CD38: variants seen among roughly 807,000 people sequenced by gnomAD.
The protein encoded by CD38 is CD38 molecule.
CD38 carries 31 observed loss-of-function variants against 36.3 expected under a neutral mutation model. The observed-to-expected ratio is 0.85, with a 90% CI of 0.64 to 1.15. The LOEUF is 1.15. CD38 is among the 50% of genes most tolerant of loss of function. The pLI, the probability that CD38 is intolerant of heterozygous loss-of-function variation, is 0.00. For synonymous variants in CD38, 131 were observed against 135.2 expected (o/e 0.97, Z 0.22); for missense variants, 380 against 371.9 (o/e 1.02, Z -0.18).
intron 1 of CD38, among the ~76,000 whole-genome samples, chr4:15,799,715 G>T (rs1723177081): frequency 1.3e-5 from 2 of 152,170 alleles, no homozygotes; most frequent in Non-Finnish European, 2.9e-5. Flanking sequence ...TTATTGTATG[G>T]ACATACTGAC....
intron 7 of CD38, among the ~76,000 whole-genome samples, chr4:15,841,198 A>C (rs1472217482): frequency 1.1e-4 from 17 of 152,204 alleles, no homozygotes; most frequent in Admixed American, 1.1e-3. Flanking sequence ...CCAATGGTGT[A>C]GGTAGGTACT....
intron 1 of CD38, 96 bp from the exon 2 acceptor site, chr4:15,816,415 A>C: frequency 9.6e-7 from 1 of 1,041,934 alleles, no homozygotes; most frequent in Non-Finnish European, 1.4e-6. Context: ...GGCATATAAT[A>C]GATGCTTCCT....
intron 1 of CD38, among the ~76,000 whole-genome samples, chr4:15,806,133 C>T (rs3796872): frequency 1.3e-5 from 2 of 152,074 alleles, no homozygotes; most frequent in South Asian, 2.1e-4. Flanking sequence ...GTAGGCTGAC[C>T]GCAGACAAAT....
At position 15,810,729 on chromosome 4, in the gene CD38, G is replaced by A. The variant is rs962343045; in HGVS notation, c.234-5782G>A. On this transcript the variant is annotated intron_variant, in intron 1 of 7. Transcript: ENST00000226279. ...AGTGGAAATATGGTGCACAGATATTGGAAAGAAACCGCTGTTGAACTCTTC... is the reference window on the plus strand; with the variant it reads ...AGTGGAAATATGGTGCACAGATATTAGAAAGAAACCGCTGTTGAACTCTTC... Among the ~76,000 whole-genome samples, 36 of 152,166 alleles carry A rather than the reference G, an allele frequency of 2.4e-4. 1 individual carries two copies. The highest frequency in any genetic ancestry group is 1.3e-4 in the Admixed American group (2 of 15,276).
intron 1 of CD38, among the ~76,000 whole-genome samples, chr4:15,788,570 G>A (rs1020003254): frequency 6.6e-6 from 1 of 152,102 alleles, no homozygotes; most frequent in Non-Finnish European, 1.5e-5. Context: ...CTGATGGGAG[G>A]TGGGGTGCAT....
chr4:15,829,116 CT>C (rs1723910906), intron 3 of CD38, among the ~76,000 whole-genome samples: 1 of 152,070 alleles, frequency 6.6e-6, no homozygotes. Context: ...ATTTGTATGT[CT>C]TTTGAAAAAT....
Position 15,851,583 on chromosome 4 carries a change from T to C in CD38, c.*2981T>C, listed in dbSNP as rs997324803. 1 of 152,212 alleles carries C rather than the reference T, an allele frequency of 6.6e-6. No homozygotes were observed. The highest frequency in any genetic ancestry group is 2.4e-5 in the African/African-American group (1 of 41,448). The allele number at this position is 152,212 out of a possible 1,614,324, so 9.4% of individuals were successfully genotyped here. A position where few individuals can be genotyped will look rare whatever the true frequency, so the allele number is the denominator to read the frequency against. On this transcript the variant is annotated 3_prime_UTR_variant, in exon 8 of 8. Transcript: ENST00000226279. ...AATGTTTGAGGCACCTTTTCAAATA[T>C]AGTCCTTTGATTTCAGACTGAATAC... is the stretch of plus-strand genomic sequence containing the variant.
rs779997844 is a variant in CD38 at position 15,841,546 on chromosome 4, C to T, written c.839+1008C>T. Among the ~76,000 whole-genome samples the T allele has an allele frequency of 1.6e-4, 24 of 151,504 alleles. 1 individual carries two copies. The highest frequency in any genetic ancestry group is 4.7e-4 in the African/African-American group (19 of 40,812). On this transcript the variant is annotated intron_variant, in intron 7 of 7. Coordinates refer to ENST00000226279, the MANE Select transcript of CD38 (RefSeq NM_001775.4). ...AGGAGCAACTGTAAAAGCAATCTTG[C>T]GGCGGAGGAGCCAAGATGGCCGAAT...
intron 2 of CD38, 22 bp downstream of exon 2, chr4:15,816,662 A>G: frequency 6.2e-7 from 1 of 1,612,646 alleles, no homozygotes; most frequent in Non-Finnish European, 8.5e-7. Context: ...CATGCCATTG[A>G]TTTTAAAACT....
chr4:15,800,911 C>T (rs1723209552), intron 1 of CD38, among the ~76,000 whole-genome samples: 1 of 151,774 alleles, frequency 6.6e-6, no homozygotes, highest in Admixed American at 6.6e-5. Context: ...AACAACAAAA[C>T]CCCCAAACTC....
At chr4:15,847,540 C>T (rs1724282902) in intron 7 of CD38, among the ~76,000 whole-genome samples, 1 of 106,804 alleles carries the variant, frequency 9.4e-6, no homozygotes, top group South Asian at 3.7e-4. Flanking sequence ...GCACATGTAC[C>T]CTAAAACTTA....
intron 1 of CD38, among the ~76,000 whole-genome samples, chr4:15,786,619 G>T (rs1034764158): frequency 2.0e-5 from 3 of 152,234 alleles, no homozygotes; most frequent in African/African-American, 7.2e-5. Flanking sequence ...CCCTTAGCTA[G>T]ACATAAATGT....
intron 2 of CD38, among the ~76,000 whole-genome samples, chr4:15,822,065 T>A (rs2148923746): frequency 6.6e-6 from 1 of 152,158 alleles, no homozygotes. Flanking sequence ...TGTAATTCAT[T>A]ACATAAAGAG....
intron 1 of CD38, among the ~76,000 whole-genome samples, chr4:15,795,590 G>A (rs985126034): frequency 2.0e-5 from 3 of 151,854 alleles, no homozygotes; most frequent in East Asian, 3.9e-4. Context: ...TCTAAATAGC[G>A]GAGAAACCCA....
Position 15,778,617 on chromosome 4 carries a change from T to G in CD38, c.203T>G (p.Val68Gly). Residue 68 changes from valine to glycine, a missense_variant, in exon 1 of 8, where the codon GTC becomes GGC. Transcript: ENST00000226279. The surrounding 1 kb of genome is among the most constrained non-coding windows in gnomAD (Gnocchi z 4.9). ...CCCGAGACCGTCCTGGCGCGATGCG[T>G]CAAGTACACTGAAATTCATCCTGAG... Reference protein sequence around the residue: ...RFPETVLARCVKYTEIHPEMR... With the variant: ...RFPETVLARCGKYTEIHPEMR... The G allele has an allele frequency of 1.2e-6, 2 of 1,613,160 alleles. No homozygotes were observed. Among genetic ancestry groups the G allele is most frequent in the Non-Finnish European group, 1.7e-6 (2 of 1,179,612 alleles).
intron 1 of CD38, among the ~76,000 whole-genome samples, chr4:15,811,530 T>G (rs570834918): frequency 6.6e-6 from 1 of 151,822 alleles, no homozygotes; most frequent in South Asian, 2.1e-4. Flanking sequence ...AAAGTGTTGT[T>G]TTTTTTTTCC....
At chr4:15,835,174 TCTC>T (rs980988648) in intron 4 of CD38, among the ~76,000 whole-genome samples, 4 of 151,884 alleles carry the variant, frequency 2.6e-5, no homozygotes, top group Non-Finnish European at 5.9e-5. Flanking sequence ...TCTCTACCTA[TCTC>T]CTCCTCCTCC....
chr4:15,780,518 T>A (rs28641903), intron 1 of CD38, among the ~76,000 whole-genome samples: 96 of 140,116 alleles, frequency 6.9e-4, no homozygotes, highest in East Asian at 1.3e-3. Flanking sequence ...ATTCTCTCTC[T>A]CACACACACA....
intron 1 of CD38, among the ~76,000 whole-genome samples, chr4:15,786,678 G>C (rs1481843388): frequency 2.0e-5 from 3 of 152,228 alleles, no homozygotes; most frequent in East Asian, 1.9e-4. Context: ...TCACCTAGCC[G>C]ATTGTGCACC....
Sources: gnomAD v4.1 joint callset for allele counts (sites outside exome capture counted in the v4.1 genomes callset) on GRCh38, gnomAD v4.1.1 for gene constraint, Gnocchi (gnomAD v3.1) non-coding constraint, MANE v1.5 for transcripts, NCBI Gene and HGNC (gene_info 2026-07-23, HGNC 2026-07-21) for gene names.